MSRA: variants seen among roughly 807,000 people sequenced by gnomAD.
The protein encoded by MSRA is mitochondrial peptide methionine sulfoxide reductase.
Under a neutral mutation model 31.3 loss-of-function variants are expected in MSRA, and 54 were observed. The ratio of observed to expected loss-of-function variants is 1.73; its 90% CI spans 1.39 to 2.17. MSRA has a LOEUF of 2.17. MSRA is among the 30% of genes most tolerant of loss of function. MSRA has a pLI of 0.00. For synonymous variants in MSRA, 169 were observed against 116.5 expected, an observed-to-expected ratio of 1.45 and a Z score of -2.90; for missense variants, 507 against 300.9, an observed-to-expected ratio of 1.69 and a Z score of -5.07.
rs539487850 is a variant in MSRA at position 10,278,043 on chromosome 8, C to G, written c.332-23491C>G. Among the ~76,000 whole-genome samples the G allele has an allele frequency of 3.3e-5, 5 of 152,246 alleles. No homozygotes were observed. In the South Asian group the frequency reaches 1.0e-3, roughly 32 times the overall value. On this transcript the variant is annotated intron_variant, in intron 3 of 5. Transcript: ENST00000317173. ...CATTTTGCCCAATATTTTGATATCT[C>G]CTGTAATGTCGATGCTCGCTGTCTT...
At chr8:10,190,963 C>T (rs1281531152) in intron 1 of MSRA, among the ~76,000 whole-genome samples, 11 of 152,100 alleles carry the variant, frequency 7.2e-5, no homozygotes, top group African/African-American at 1.4e-4. Context: ...CATGACTGGT[C>T]GATCAGCTTC....
At chr8:10,141,091 C>G (rs751399796) in intron 1 of MSRA, among the ~76,000 whole-genome samples, 2 of 152,200 alleles carry the variant, frequency 1.3e-5, no homozygotes, top group Non-Finnish European at 2.9e-5. Flanking sequence ...CAAAGGCACT[C>G]AAATCCAACA....
chr8:10,139,074 C>G (rs1281323778), intron 1 of MSRA, among the ~76,000 whole-genome samples: 2 of 152,160 alleles, frequency 1.3e-5, no homozygotes, highest in African/African-American at 4.8e-5. Context: ...TCATTACTAT[C>G]CCATTAGAAG....
intron 1 of MSRA, among the ~76,000 whole-genome samples, chr8:10,206,314 A>G (rs1463995281): frequency 6.6e-6 from 1 of 152,194 alleles, no homozygotes. Flanking sequence ...ACATCTGCTA[A>G]TTGTGCCAGT....
intron 1 of MSRA, among the ~76,000 whole-genome samples, chr8:10,148,485 A>G (rs568338907): frequency 8.0e-4 from 121 of 152,044 alleles, no homozygotes; most frequent in African/African-American, 2.8e-3. Context: ...CATCTCTACT[A>G]AAAATACAAA....
intron 1 of MSRA, among the ~76,000 whole-genome samples, chr8:10,168,258 A>G (rs1017301699): frequency 6.6e-6 from 1 of 152,186 alleles, no homozygotes. Flanking sequence ...TTTATTAATA[A>G]TCTTGGTTCT....
Position 10,285,522 on chromosome 8 carries a change from G to T in MSRA, c.332-16012G>T, listed in dbSNP as rs553958462. On this transcript the variant is annotated intron_variant, in intron 3 of 5. Coordinates refer to ENST00000317173, the MANE Select transcript of MSRA (RefSeq NM_012331.5). ...ACCTTCAAAAGCTGCTCTTCTAGCT[G>T]TCTGAAAATATACAATAAATGATTG... Among the ~76,000 whole-genome samples, 4 of 152,208 alleles carry T rather than the reference G, an allele frequency of 2.6e-5. No homozygotes were observed. In the South Asian group the frequency reaches 8.3e-4, roughly 32 times the overall value.
chr8:10,324,931 T>C (rs547348550), intron 5 of MSRA, among the ~76,000 whole-genome samples: 14 of 152,352 alleles, frequency 9.2e-5, no homozygotes, highest in Non-Finnish European at 1.5e-4. Context: ...CTCAGGGTAC[T>C]GTGTGCCAGG....
chr8:10,325,822 C>A (rs1412177324), intron 5 of MSRA, among the ~76,000 whole-genome samples: 1 of 152,144 alleles, frequency 6.6e-6, no homozygotes, highest in Non-Finnish European at 1.5e-5. Context: ...AAGAGGTGAC[C>A]CCCGGACTGG....
intron 5 of MSRA, among the ~76,000 whole-genome samples, chr8:10,332,093 A>G (rs995227318): frequency 2.6e-5 from 4 of 152,146 alleles, no homozygotes; most frequent in African/African-American, 4.8e-5. Context: ...TCTGTCATGA[A>G]TTGAGAAAAT....
intron 1 of MSRA, among the ~76,000 whole-genome samples, chr8:10,071,472 TTTC>T (rs1177983331): frequency 6.6e-6 from 1 of 150,756 alleles, no homozygotes. Context: ...TTTTTTTTTT[TTTC>T]TTAAGACTTG....
intron 3 of MSRA, among the ~76,000 whole-genome samples, chr8:10,286,243 T>G (rs1799930545): frequency 1.3e-5 from 2 of 152,338 alleles, no homozygotes; most frequent in South Asian, 4.2e-4. Flanking sequence ...ATGGTTTGAC[T>G]GTATCCCCAC....
intron 4 of MSRA, among the ~76,000 whole-genome samples, chr8:10,314,559 T>C (rs1801609737): frequency 6.6e-6 from 1 of 152,236 alleles, no homozygotes; most frequent in Admixed American, 6.5e-5. Context: ...CATGTGGTTT[T>C]GTAAATTGGT....
chr8:10,075,728 G>C (rs1014763298), intron 1 of MSRA, among the ~76,000 whole-genome samples: 1 of 152,178 alleles, frequency 6.6e-6, no homozygotes, highest in Non-Finnish European at 1.5e-5. Context: ...TCGTAAGGTG[G>C]TTCTCAGTCC....
chr8:10,268,930 A>G (rs1369504695), intron 3 of MSRA, among the ~76,000 whole-genome samples: 1 of 152,196 alleles, frequency 6.6e-6, no homozygotes, highest in Non-Finnish European at 1.5e-5. Context: ...ACCTCTTGGG[A>G]CGCTTATTTT....
At chr8:10,367,803 T>C (rs7015768) in intron 5 of MSRA, among the ~76,000 whole-genome samples, 141,623 of 152,256 alleles carry the variant, frequency 0.93, 66,487 homozygotes, top group Non-Finnish European at 0.98. Context: ...CCACAGCACA[T>C]CTGGAAGAGG....
At chr8:10,373,466 T>A (rs1177633083) in intron 5 of MSRA, among the ~76,000 whole-genome samples, 2 of 152,220 alleles carry the variant, frequency 1.3e-5, no homozygotes, top group East Asian at 3.9e-4. Context: ...TCATGGGCTA[T>A]CAAGCCTTGA....
intron 2 of MSRA, among the ~76,000 whole-genome samples, chr8:10,218,959 G>A (rs1447872845): frequency 2.0e-5 from 3 of 152,138 alleles, no homozygotes; most frequent in Admixed American, 2.0e-4. Flanking sequence ...CTCTCTCCAC[G>A]GAGCAGCGAT....
rs537467411 is a variant in MSRA, at chr8:10,309,749, G to A, written c.436+8111G>A. On this transcript the variant is annotated intron_variant, in intron 4 of 5. Transcript: ENST00000317173. ...GTGCTTGGAACTAGAGAGCCTGCAA[G>A]GACTCTTCTCTACTTGGTGTCCTTG... Among the ~76,000 whole-genome samples, 12 of 152,280 alleles carry A rather than the reference G, an allele frequency of 7.9e-5. 1 individual carries two copies. In the South Asian group the frequency reaches 2.3e-3, roughly 29 times the overall value.
Sources: gnomAD v4.1 joint callset for allele counts (sites outside exome capture counted in the v4.1 genomes callset) on GRCh38, gnomAD v4.1.1 for gene constraint, MANE v1.5 for transcripts, NCBI Gene and HGNC (gene_info 2026-07-23, HGNC 2026-07-21) for gene names.